The following RIMS1 variants were observed in gnomAD, a reference collection of about 807,000 sequenced individuals.
RIMS1 encodes the protein regulating synaptic membrane exocytosis protein 1.
In RIMS1, 83 loss-of-function variants were observed where a neutral mutation model predicts 214.1. That is an observed-to-expected ratio of 0.39 (90% CI 0.32 to 0.47). The LOEUF (loss-of-function observed/expected upper bound fraction) is 0.47. Among genes scored for constraint, RIMS1 ranks in the 20% least tolerant of loss-of-function variants. The probability of loss-of-function intolerance (pLI) is 0.99; values close to 1 mark genes in which losing one functional copy is unlikely to be tolerated. For missense variants in RIMS1, 2,050 were observed against 2,161.8 expected (o/e 0.95, Z 1.03); for synonymous variants, 793 against 786.8 (o/e 1.01, Z -0.13).
intron 31 of RIMS1, among the ~76,000 whole-genome samples, chr6:72,393,507 G>T (rs1181620999): frequency 6.6e-6 from 1 of 152,108 alleles, no homozygotes; most frequent in African/African-American, 2.4e-5. Context: ...GGCGGATCAC[G>T]AGGTCAGGAG....
chr6:72,209,900 CAAAAAAAAAAAA>C (rs200401100), intron 6 of RIMS1, among the ~76,000 whole-genome samples: 2 of 115,826 alleles, frequency 1.7e-5, no homozygotes, highest in African/African-American at 5.7e-5. Flanking sequence ...GACTCTGTCT[CAAAAAAAAAAAA>C]AAAAAAAAAA....
chr6:72,300,178 G>T (rs926141212), intron 26 of RIMS1, among the ~76,000 whole-genome samples: 1 of 151,738 alleles, frequency 6.6e-6, no homozygotes, highest in Non-Finnish European at 1.5e-5. Context: ...GAAAAATTCA[G>T]AAGTAATGCT....
At chr6:71,948,127 G>A (rs1426820322) in intron 1 of RIMS1, among the ~76,000 whole-genome samples, 1 of 152,108 alleles carries the variant, frequency 6.6e-6, no homozygotes, top group Admixed American at 6.5e-5. Flanking sequence ...CACAGGTTGT[G>A]TATCTTATAC....
intron 2 of RIMS1, among the ~76,000 whole-genome samples, chr6:72,005,219 C>A (rs995584710): frequency 2.0e-5 from 3 of 152,096 alleles, no homozygotes; most frequent in African/African-American, 7.2e-5. Context: ...TGTTCTGTTC[C>A]ATTGGTCTAT....
intron 6 of RIMS1, among the ~76,000 whole-genome samples, chr6:72,227,343 G>A (rs1257502414): frequency 1.3e-5 from 2 of 151,856 alleles, no homozygotes; most frequent in Non-Finnish European, 2.9e-5. Context: ...CTGACAATGT[G>A]GATTTCTGTG....
chr6:72,057,035 G>A (rs1037249566), intron 2 of RIMS1, among the ~76,000 whole-genome samples: 3 of 152,044 alleles, frequency 2.0e-5, no homozygotes, highest in African/African-American at 7.2e-5. Context: ...GAGGGTGGGA[G>A]CAGGGAAAGG....
At chr6:72,001,952 A>G (rs976427426) in intron 2 of RIMS1, among the ~76,000 whole-genome samples, 10 of 152,194 alleles carry the variant, frequency 6.6e-5, no homozygotes, top group African/African-American at 2.2e-4. Context: ...TAAAATGTTC[A>G]TTTTATCTTC....
At chr6:71,970,200 A>G (rs1207631217) in intron 2 of RIMS1, among the ~76,000 whole-genome samples, 2 of 152,204 alleles carry the variant, frequency 1.3e-5, no homozygotes, top group Admixed American at 6.5e-5. Flanking sequence ...AATAGTAAAA[A>G]TGATTGATAA....
chr6:72,088,719 C>A (rs1443361719), intron 2 of RIMS1, among the ~76,000 whole-genome samples: 1 of 152,044 alleles, frequency 6.6e-6, no homozygotes, highest in African/African-American at 2.4e-5. Context: ...CATTTTGGTG[C>A]AAGAAAGTTT....
intron 28 of RIMS1, among the ~76,000 whole-genome samples, chr6:72,331,453 C>T (rs982224826): frequency 6.6e-6 from 1 of 151,716 alleles, no homozygotes; most frequent in African/African-American, 2.4e-5. Context: ...TGTAGGCATT[C>T]GATTGAGCAT....
chr6:72,368,850 G>A (rs1248717877), intron 29 of RIMS1, among the ~76,000 whole-genome samples: 1 of 152,076 alleles, frequency 6.6e-6, no homozygotes, highest in Non-Finnish European at 1.5e-5. Context: ...TATCACTACA[G>A]CTTAGGGTGG....
chr6:72,308,419 A>G (rs2095340258), intron 27 of RIMS1, among the ~76,000 whole-genome samples: 1 of 152,166 alleles, frequency 6.6e-6, no homozygotes, highest in Admixed American at 6.5e-5. Context: ...ATTTAATATC[A>G]ACAAACTCTT....
At chr6:71,898,193 T>C (rs756240960) in intron 1 of RIMS1, among the ~76,000 whole-genome samples, 2 of 152,162 alleles carry the variant, frequency 1.3e-5, no homozygotes, top group Non-Finnish European at 2.9e-5. Context: ...TGGACAGACA[T>C]GCTTAATGGA....
chr6:72,079,444 ATAT>A (rs1440634336), intron 2 of RIMS1, among the ~76,000 whole-genome samples: 12 of 152,164 alleles, frequency 7.9e-5, no homozygotes, highest in African/African-American at 2.9e-4. Context: ...CTATGAGATA[ATAT>A]ATTATCATAC....
rs752770134 is a variant in RIMS1, at chr6:72,182,545, C to T, written c.1074C>T (p.Asp358=). The change falls in exon 6 of 34, where the codon GAC becomes GAT. Residue 358 remains aspartate, a synonymous_variant. Transcript: ENST00000521978. ...EEDYQTRYRS[D]PNLARYPVKP... Reference sequence around the variant, plus strand: ...ATTATCAGACCAGGTACCGCAGCGACCCGAACCTAGCTCGGTACCCGGTGA... The same window carrying T: ...ATTATCAGACCAGGTACCGCAGCGATCCGAACCTAGCTCGGTACCCGGTGA... 1.3e-6 allele frequency: 2 copies of T among 1,556,314 alleles called. No individual in the cohort carries two copies. The highest frequency in any genetic ancestry group is 8.7e-7 in the Non-Finnish European group (1 of 1,150,878).
At chr6:72,186,267 G>A (rs1452689320) in intron 6 of RIMS1, among the ~76,000 whole-genome samples, 1 of 152,162 alleles carries the variant, frequency 6.6e-6, no homozygotes, top group Non-Finnish European at 1.5e-5. Context: ...ATGGTGTTTT[G>A]GGTAGTAACT....
chr6:72,325,403 G>A (rs12190924), intron 28 of RIMS1, among the ~76,000 whole-genome samples: 5 of 150,766 alleles, frequency 3.3e-5, no homozygotes, highest in Admixed American at 6.6e-5. Flanking sequence ...AACAATTACA[G>A]TCCATTTACA....
At chr6:72,206,983 G>A (rs1244144411) in intron 6 of RIMS1, among the ~76,000 whole-genome samples, 1 of 152,096 alleles carries the variant, frequency 6.6e-6, no homozygotes, top group Non-Finnish European at 1.5e-5. Context: ...TGTTTTAGAG[G>A]TAGAAGACTA....
At chr6:72,218,588 A>C (rs2057244800) in intron 6 of RIMS1, among the ~76,000 whole-genome samples, 2 of 152,150 alleles carry the variant, frequency 1.3e-5, no homozygotes, top group African/African-American at 4.8e-5. Flanking sequence ...TTTTATTGTA[A>C]ATTGAACAAT....
Sources: gnomAD v4.1 joint callset for allele counts (sites outside exome capture counted in the v4.1 genomes callset) on GRCh38, gnomAD v4.1.1 for gene constraint, MANE v1.5 for transcripts, NCBI Gene and HGNC (gene_info 2026-07-23, HGNC 2026-07-21) for gene names.